The following CCDC85A variants were observed in gnomAD, a reference collection of about 807,000 sequenced individuals.
The protein encoded by CCDC85A is coiled-coil domain containing 85A.
CCDC85A carries 38 observed loss-of-function variants against 50.2 expected under a neutral mutation model. The observed-to-expected ratio is 0.76, with a 90% CI of 0.58 to 0.99. The LOEUF (loss-of-function observed/expected upper bound fraction) is 0.99, where lower values mean the gene tolerates loss of function less well. CCDC85A is among the 50% of genes least tolerant of loss of function. The pLI is 0.00. For missense variants in CCDC85A, 820 were observed against 742.0 expected (o/e 1.11, Z -1.22); for synonymous variants, 366 against 301.4 (o/e 1.21, Z -2.22).
At chr2:56,307,271 A>G (rs1672487274) in intron 2 of CCDC85A, among the ~76,000 whole-genome samples, 2 of 152,210 alleles carry the variant, frequency 1.3e-5, no homozygotes. Flanking sequence ...AAAAAATGAT[A>G]GATAAAGTTT....
chr2:56,279,647 C>CATATGTGT (rs1255020727), intron 2 of CCDC85A, among the ~76,000 whole-genome samples: 13 of 152,198 alleles, frequency 8.5e-5, no homozygotes, highest in Non-Finnish European at 1.6e-4. Flanking sequence ...CTTTTTTAGA[C>CATATGTGT]TCCACATATG....
At position 56,192,265 on chromosome 2, in the gene CCDC85A, C is replaced by T. The variant is rs1298333639; in HGVS notation, c.277-212C>T. Among the ~76,000 whole-genome samples, 4 of 151,806 alleles carry T rather than the reference C, an allele frequency of 2.6e-5. No homozygotes were observed. Among genetic ancestry groups the T allele is most frequent in the African/African-American group, 9.7e-5 (4 of 41,256 alleles). ...TGGGTAAAAATTAGATGACATAATG[C>T]AAGTAAAGTATTGTGCAGGGATAGA... On this transcript the variant is annotated intron_variant, in intron 1 of 5. Coordinates refer to ENST00000407595, the MANE Select transcript of CCDC85A (RefSeq NM_001080433.2). The surrounding 1 kb of genome is among the most constrained non-coding windows in gnomAD (Gnocchi z 4.7).
intron 2 of CCDC85A, among the ~76,000 whole-genome samples, chr2:56,258,768 A>T (rs557821946): frequency 6.6e-6 from 1 of 152,294 alleles, no homozygotes; most frequent in Non-Finnish European, 1.5e-5. Context: ...CTTGATGAGG[A>T]GAGGGGCCAT....
At chr2:56,274,157 C>G (rs1350288557) in intron 2 of CCDC85A, among the ~76,000 whole-genome samples, 4 of 152,114 alleles carry the variant, frequency 2.6e-5, no homozygotes, top group African/African-American at 9.7e-5. Context: ...GTATTGTTTT[C>G]TTTACCCCTG....
intron 2 of CCDC85A, among the ~76,000 whole-genome samples, chr2:56,277,470 A>C (rs1258113864): frequency 6.6e-6 from 1 of 152,110 alleles, no homozygotes; most frequent in Non-Finnish European, 1.5e-5. Context: ...ACCTTTAGAG[A>C]TTCTTTTTTC....
rs575897742 is a variant in CCDC85A at position 56,368,094 on chromosome 2, T to C, written c.1318-4250T>C. ...AAATTCGTTGGAATAGGTATCTATA[T>C]GGCATTGCATGCAATATCACGTCTG... On this transcript the variant is annotated intron_variant, in intron 3 of 5. Transcript: ENST00000407595. 2.0e-5 allele frequency among the ~76,000 whole-genome samples: 3 copies of C among 152,348 alleles called. No homozygotes were observed. The South Asian group carries it at 6.2e-4, about 32-fold the overall frequency.
At chr2:56,325,935 T>C (rs1673446772) in intron 2 of CCDC85A, among the ~76,000 whole-genome samples, 1 of 152,144 alleles carries the variant, frequency 6.6e-6, no homozygotes, top group African/African-American at 2.4e-5. Flanking sequence ...ATAATGCAGT[T>C]ATTGTGTCTT....
intron 2 of CCDC85A, among the ~76,000 whole-genome samples, chr2:56,341,966 T>G (rs913015676): frequency 2.7e-5 from 4 of 145,996 alleles, no homozygotes; most frequent in Non-Finnish European, 5.9e-5. Flanking sequence ...ACTGGATGTT[T>G]GAAAAATTTT....
chr2:56,357,419 TTTA>T (rs1675288039), intron 3 of CCDC85A, among the ~76,000 whole-genome samples: 1 of 152,248 alleles, frequency 6.6e-6, no homozygotes, highest in Admixed American at 6.5e-5. Flanking sequence ...GATGCCATAA[TTTA>T]TTGTTAATAA....
chr2:56,200,980 C>A (rs552689756), intron 2 of CCDC85A, among the ~76,000 whole-genome samples: 1 of 151,186 alleles, frequency 6.6e-6, no homozygotes, highest in Non-Finnish European at 1.5e-5. Context: ...GTTATTTAGG[C>A]CTTCTGTAGG....
intron 2 of CCDC85A, among the ~76,000 whole-genome samples, chr2:56,316,286 T>G (rs1672917610): frequency 6.6e-6 from 1 of 152,164 alleles, no homozygotes; most frequent in South Asian, 2.1e-4. Context: ...ATAATTCTCC[T>G]ATAAGCTATT....
At chr2:56,246,627 C>T (rs76543867) in intron 2 of CCDC85A, among the ~76,000 whole-genome samples, 45 of 152,230 alleles carry the variant, frequency 3.0e-4, no homozygotes, top group African/African-American at 1.0e-3. Flanking sequence ...AAAAGACTGT[C>T]CTTTCTCCAT....
At chr2:56,204,801 G>A (rs1676897526) in intron 2 of CCDC85A, among the ~76,000 whole-genome samples, 1 of 152,200 alleles carries the variant, frequency 6.6e-6, no homozygotes, top group African/African-American at 2.4e-5. Context: ...GCACTCCTGT[G>A]CCTGGTCAGA....
chr2:56,273,336 C>T (rs919436841), intron 2 of CCDC85A, among the ~76,000 whole-genome samples: 15 of 151,986 alleles, frequency 9.9e-5, no homozygotes, highest in Non-Finnish European at 1.5e-5. Context: ...GTGCAGTGAG[C>T]ACCTCAGTAT....
intron 2 of CCDC85A, among the ~76,000 whole-genome samples, chr2:56,341,068 A>T (rs956303223): frequency 6.6e-6 from 1 of 152,020 alleles, no homozygotes; most frequent in South Asian, 2.1e-4. Context: ...CTTGAGATGA[A>T]CTGTCCACAT....
intron 2 of CCDC85A, among the ~76,000 whole-genome samples, chr2:56,299,369 T>A (rs1335147202): frequency 1.3e-5 from 2 of 152,206 alleles, no homozygotes; most frequent in Non-Finnish European, 2.9e-5. Context: ...GGATGCCCCC[T>A]GCTGATTTCT....
intron 2 of CCDC85A, among the ~76,000 whole-genome samples, chr2:56,223,101 C>T (rs893267544): frequency 3.3e-5 from 5 of 152,112 alleles, no homozygotes; most frequent in African/African-American, 1.2e-4. Context: ...AAGGGAATTT[C>T]AGACAAGCCT....
chr2:56,361,884 G>A (rs1385749861), intron 3 of CCDC85A, among the ~76,000 whole-genome samples: 1 of 151,952 alleles, frequency 6.6e-6, no homozygotes, highest in Admixed American at 6.6e-5. Flanking sequence ...ACTGAAGAAG[G>A]TAGAGACAGG....
At chr2:56,261,226 T>G (rs548291629) in intron 2 of CCDC85A, among the ~76,000 whole-genome samples, 87 of 152,288 alleles carry the variant, frequency 5.7e-4, no homozygotes, top group African/African-American at 2.0e-3. Flanking sequence ...AAAACCATAA[T>G]GCCATTCTTA....
Sources: gnomAD v4.1 joint callset for allele counts (sites outside exome capture counted in the v4.1 genomes callset) on GRCh38, gnomAD v4.1.1 for gene constraint, Gnocchi (gnomAD v3.1) non-coding constraint, MANE v1.5 for transcripts, NCBI Gene and HGNC (gene_info 2026-07-23, HGNC 2026-07-21) for gene names.